ATG5: variants seen among roughly 807,000 people sequenced by gnomAD.
ATG5 encodes the protein autophagy protein 5.
Under a neutral mutation model 36.5 loss-of-function variants are expected in ATG5, and 14 were observed. The ratio of observed to expected loss-of-function variants is 0.38; its 90% confidence interval spans 0.25 to 0.60. The LOEUF is 0.60. Ranked by LOEUF, ATG5 falls within the 20% of genes least tolerant of loss-of-function variation. The pLI, the probability that ATG5 is intolerant of heterozygous loss-of-function variation, is 0.60. For missense variants in ATG5, 195 were observed against 326.7 expected (o/e 0.60, Z 3.11); for synonymous variants, 95 against 101.5 (o/e 0.94, Z 0.38).
chr6:106,247,773 G>A (rs1056389632), intron 6 of ATG5, among the ~76,000 whole-genome samples: 4 of 152,206 alleles, frequency 2.6e-5, no homozygotes, highest in Non-Finnish European at 4.4e-5. Flanking sequence ...CTTGTTTATA[G>A]TATGACAGCT....
At chr6:106,277,173 C>T (rs1365186752) in intron 5 of ATG5, among the ~76,000 whole-genome samples, 1 of 152,180 alleles carries the variant, frequency 6.6e-6, no homozygotes, top group Non-Finnish European at 1.5e-5. Flanking sequence ...TTAACAAATA[C>T]TAAATACCTA....
At chr6:106,318,013 T>C (rs1770920714) in intron 1 of ATG5, among the ~76,000 whole-genome samples, 1 of 152,186 alleles carries the variant, frequency 6.6e-6, no homozygotes, top group Admixed American at 6.5e-5. Flanking sequence ...AGAAAAATAA[T>C]TTGAGACGAA....
At chr6:106,221,907 T>C (rs1217308956) in intron 6 of ATG5, among the ~76,000 whole-genome samples, 5 of 152,142 alleles carry the variant, frequency 3.3e-5, no homozygotes, top group African/African-American at 1.2e-4. Context: ...ATTATTTTTT[T>C]TTGAGACAGA....
chr6:106,242,911 C>T (rs989135367), intron 6 of ATG5, among the ~76,000 whole-genome samples: 3 of 152,114 alleles, frequency 2.0e-5, no homozygotes, highest in African/African-American at 7.2e-5. Context: ...TCGCTAAAAC[C>T]CTGGAGGGGA....
intron 5 of ATG5, among the ~76,000 whole-genome samples, chr6:106,277,971 G>C (rs1227289215): frequency 6.6e-6 from 1 of 151,930 alleles, no homozygotes; most frequent in Non-Finnish European, 1.5e-5. Flanking sequence ...TAGAGACAGG[G>C]TCTCACTCTG....
chr6:106,272,870 G>A lies in ATG5; in HGVS notation c.478+6791C>T, dbSNP rs78457405. 2.0e-4 allele frequency among the ~76,000 whole-genome samples: 31 copies of A among 152,266 alleles called. 1 individual carries two copies. The East Asian group carries it at 6.0e-3, about 29-fold the overall frequency. ...TTAAACATGAGAGTATAAAATCTGT[G>A]AGAAATATTTGTGGCAATGGAAGAA... is the stretch of plus-strand genomic sequence containing the variant. On this transcript the variant is annotated intron_variant, in intron 5 of 7. Coordinates refer to ENST00000369076, the MANE Select transcript of ATG5 (RefSeq NM_004849.4).
chr6:106,190,568 C>T (rs1284833669), intron 7 of ATG5, among the ~76,000 whole-genome samples: 1 of 152,060 alleles, frequency 6.6e-6, no homozygotes, highest in African/African-American at 2.4e-5. Context: ...TTCTACATTT[C>T]TTAACCTTTA....
chr6:106,196,633 A>G (rs1444871002), intron 7 of ATG5, among the ~76,000 whole-genome samples: 7 of 152,078 alleles, frequency 4.6e-5, no homozygotes, highest in Admixed American at 4.6e-4. Flanking sequence ...CCGAAGCACA[A>G]GATTGCTTGA....
chr6:106,262,268 G>A (rs968962834), intron 5 of ATG5, among the ~76,000 whole-genome samples: 11 of 152,200 alleles, frequency 7.2e-5, no homozygotes, highest in African/African-American at 2.2e-4. Context: ...GTTTCACCAC[G>A]TTGGTCAGGC....
chr6:106,250,049 C>T (rs1006207649), intron 5 of ATG5, among the ~76,000 whole-genome samples: 3 of 151,680 alleles, frequency 2.0e-5, no homozygotes, highest in South Asian at 4.1e-4. Flanking sequence ...GTTTTTTAAG[C>T]AACTCCTTTT....
chr6:106,309,561 G>A (rs1311073201), intron 2 of ATG5, among the ~76,000 whole-genome samples: 1 of 152,138 alleles, frequency 6.6e-6, no homozygotes, highest in Non-Finnish European at 1.5e-5. Context: ...AGAAATAACT[G>A]TGATTAGTGA....
At chr6:106,297,502 T>C (rs1486935199) in intron 3 of ATG5, among the ~76,000 whole-genome samples, 2 of 152,086 alleles carry the variant, frequency 1.3e-5, no homozygotes, top group Non-Finnish European at 2.9e-5. Flanking sequence ...AGTAATAAAC[T>C]AGAACCTCTC....
chr6:106,284,707 T>G (rs1427257107), intron 4 of ATG5, among the ~76,000 whole-genome samples: 2 of 150,740 alleles, frequency 1.3e-5, no homozygotes, highest in Non-Finnish European at 3.0e-5. Context: ...AAGGGGTAAC[T>G]CGTTGTGTGG....
intron 3 of ATG5, among the ~76,000 whole-genome samples, chr6:106,299,479 G>A (rs1770116275): frequency 6.6e-6 from 1 of 152,296 alleles, no homozygotes; most frequent in South Asian, 2.1e-4. Flanking sequence ...GTGTAAATAA[G>A]AGGACCCAAC....
intron 2 of ATG5, among the ~76,000 whole-genome samples, chr6:106,311,272 A>G (rs1165286848): frequency 1.3e-5 from 2 of 152,234 alleles, no homozygotes; most frequent in African/African-American, 4.8e-5. Context: ...GACAGCAAAA[A>G]AGATACAAAA....
At chr6:106,268,818 C>G (rs1051758861) in intron 5 of ATG5, among the ~76,000 whole-genome samples, 1 of 151,702 alleles carries the variant, frequency 6.6e-6, no homozygotes, top group African/African-American at 2.4e-5. Context: ...TTAGTGGGAG[C>G]TGAACAACAA....
chr6:106,234,984 T>C (rs1490895723), intron 6 of ATG5, among the ~76,000 whole-genome samples: 2 of 150,244 alleles, frequency 1.3e-5, no homozygotes, highest in African/African-American at 2.4e-5. Flanking sequence ...AATGTTGTTA[T>C]TATGTTATTT....
intron 6 of ATG5, among the ~76,000 whole-genome samples, chr6:106,206,176 A>C (rs1206963594): frequency 6.8e-6 from 1 of 147,756 alleles, no homozygotes; most frequent in East Asian, 2.1e-4. Context: ...ATGAGGGCAG[A>C]GTCCTCAAGA....
chr6:106,296,710 C>T (rs1054128298), intron 3 of ATG5, among the ~76,000 whole-genome samples: 14 of 151,958 alleles, frequency 9.2e-5, no homozygotes, highest in African/African-American at 2.4e-4. Flanking sequence ...CCTAGCTACT[C>T]GGGAGGCTGA....
Sources: allele counts gnomAD v4.1 joint callset (sites outside exome capture counted in the v4.1 genomes callset), GRCh38; gene constraint gnomAD v4.1.1; transcripts MANE v1.5; gene names NCBI Gene and HGNC (gene_info 2026-07-23, HGNC 2026-07-21).